The following ERCC4 variants were observed in gnomAD, a reference collection of about 807,000 sequenced individuals.
ERCC4 encodes the protein ERCC excision repair 4, endonuclease catalytic subunit, also known as DNA repair endonuclease XPF.
A neutral mutation model predicts 76.9 loss-of-function variants in ERCC4; 65 were observed. The observed-to-expected ratio is 0.84, with a 90% confidence interval of 0.69 to 1.04. ERCC4 has a LOEUF of 1.04. Among genes scored for constraint, ERCC4 ranks in the 50% least tolerant of loss-of-function variants. ERCC4 has a pLI of 0.00. For missense variants in ERCC4, 1,214 were observed against 1,128.2 expected (o/e 1.08, Z -1.09); for synonymous variants, 463 against 410.1 (o/e 1.13, Z -1.56).
chr16:13,925,702 C>T (rs3136083), intron 2 of ERCC4, among the ~76,000 whole-genome samples: 355 of 152,192 alleles, frequency 2.3e-3, no homozygotes, highest in African/African-American at 8.0e-3. Context: ...TATAAGGTAA[C>T]CAGCTTGATT....
chr16:13,941,547 T>C (rs2032413561), intron 9 of ERCC4, among the ~76,000 whole-genome samples: 1 of 152,216 alleles, frequency 6.6e-6, no homozygotes, highest in African/African-American at 2.4e-5. Flanking sequence ...CAGTTGTGGC[T>C]CTTTAACCAG....
rs1158171565 is a variant in ERCC4, at chr16:13,949,175, T to C, written c.*828T>C. The stretch of plus-strand genomic sequence containing the variant: ...ATTACCTGTTTGCAAAAGTTAATGA[T>C]GAAGGAGCTCTTAGAATTCTCAATT... On this transcript the variant is annotated 3_prime_UTR_variant, in exon 11 of 11. Coordinates refer to ENST00000311895, the MANE Select transcript of ERCC4 (RefSeq NM_005236.3). 1 of 233,140 alleles carries C rather than the reference T, an allele frequency of 4.3e-6. No individual in the cohort carries two copies. Among genetic ancestry groups the C allele is most frequent in the African/African-American group, 2.2e-5 (1 of 45,360 alleles). 14.4% of individuals were successfully genotyped at this position (233,140 alleles called of 1,614,324 possible).
intron 4 of ERCC4, among the ~76,000 whole-genome samples, chr16:13,929,085 G>A (rs3136097): frequency 2.3e-3 from 354 of 152,120 alleles, no homozygotes; most frequent in African/African-American, 8.0e-3. Flanking sequence ...TTAGTCCATG[G>A]TGATTTTTTT....
At position 13,942,937 on chromosome 16, in the gene ERCC4, G is replaced by C. The variant is rs1043845485; in HGVS notation, c.1905-1786G>C. Among the ~76,000 whole-genome samples the C allele has an allele frequency of 2.6e-5, 4 of 152,336 alleles. No homozygotes were observed. In the South Asian group the frequency reaches 8.3e-4, roughly 32 times the overall value. On this transcript the variant is annotated intron_variant, in intron 9 of 10. Coordinates refer to ENST00000311895, the MANE Select transcript of ERCC4 (RefSeq NM_005236.3). ...TAACCAGAGTGCAATAGAGAGAATG[G>C]AGTGGTAATGAGTGGCAGCCAGAGC... is the stretch of plus-strand genomic sequence containing the variant.
Position 13,947,956 on chromosome 16 carries a change from A to G in ERCC4, c.2360A>G (p.Lys787Arg), listed in dbSNP as rs755929592. 2.5e-6 allele frequency: 4 copies of G among 1,614,024 alleles called. No individual in the cohort carries two copies. The highest frequency in any genetic ancestry group is 3.3e-4 in the Middle Eastern group (2 of 6,060). The change falls in exon 11 of 11, where the codon AAA becomes AGA. Residue 787 changes from lysine to arginine, a missense_variant. Coordinates refer to ENST00000311895, the MANE Select transcript of ERCC4 (RefSeq NM_005236.3). ...ATCTCCAGCAATGACATTAGTTCCA[A>G]ACTCACTCTTCTTACACTTCACTTC... The part of the protein sequence containing the change: ...QEISSNDISS[K>R]LTLLTLHFPR...
chr16:13,942,381 T>A (rs2032427713), intron 9 of ERCC4, among the ~76,000 whole-genome samples: 1 of 152,278 alleles, frequency 6.6e-6, no homozygotes, highest in African/African-American at 2.4e-5. Context: ...ACTAGCTGTT[T>A]TCTGTAGCTA....
rs111787810 is a variant in ERCC4, at chr16:13,948,167, G to A, written c.2571G>A (p.Gly857=). 3 of 1,614,052 alleles carry A rather than the reference G, an allele frequency of 1.9e-6. No individual in the cohort carries two copies. Among genetic ancestry groups the A allele is most frequent in the Middle Eastern group, 1.6e-4 (1 of 6,062 alleles). ...AAGACTTCTTGTTAAAAATGCCAGG[G>A]GTGAATGCCAAAAACTGCCGCTCCT... ...GPQDFLLKMP[G]VNAKNCRSLM... Residue 857 remains glycine, a synonymous_variant, in exon 11 of 11, where the codon GGG becomes GGA. Coordinates refer to ENST00000311895, the MANE Select transcript of ERCC4 (RefSeq NM_005236.3).
chr16:13,930,489 T>C (rs2082065191), intron 4 of ERCC4, among the ~76,000 whole-genome samples: 2 of 152,198 alleles, frequency 1.3e-5, no homozygotes, highest in South Asian at 4.1e-4. Context: ...TATTTGAAAA[T>C]TTAAACATTA....
chr16:13,948,671 C>T lies in ERCC4; in HGVS notation c.*324C>T. 1 of 325,686 alleles carries T rather than the reference C, an allele frequency of 3.1e-6. No individual in the cohort carries two copies. Among genetic ancestry groups the T allele is most frequent in the Non-Finnish European group, 5.7e-6 (1 of 176,112 alleles). 20.2% of individuals were successfully genotyped at this position (325,686 alleles called of 1,614,324 possible). A position where few individuals can be genotyped will look rare whatever the true frequency, so the allele number is the denominator to read the frequency against. On this transcript the variant is annotated 3_prime_UTR_variant, in exon 11 of 11. Coordinates refer to ENST00000311895, the MANE Select transcript of ERCC4 (RefSeq NM_005236.3). ...AACTTTACCTGATCCTAACAGATCT[C>T]ATTTAGAAAGGAATATGCTAAGCCT...
Position 13,935,629 on chromosome 16 carries a change from T to C in ERCC4, c.1697T>C (p.Leu566Pro). The change falls in exon 8 of 11, where the codon CTG becomes CCG. Residue 566 changes from leucine (L) to proline (P), a missense_variant. Transcript: ENST00000311895. ...PLLGCSDPYA[L>P]TRVLHEVEPR... ...CTGGGTTGCAGCGACCCCTATGCTC[T>C]GACAAGGGTACTACATGAAGTGGAG... 2 of 1,614,076 alleles carry C rather than the reference T, an allele frequency of 1.2e-6. No individual in the cohort carries two copies. Among genetic ancestry groups the C allele is most frequent in the East Asian group, 2.2e-5 (1 of 44,886 alleles).
intron 10 of ERCC4, among the ~76,000 whole-genome samples, chr16:13,946,128 C>A (rs1217092409): frequency 6.6e-6 from 1 of 152,160 alleles, no homozygotes; most frequent in Admixed American, 6.5e-5. Context: ...TAGCCAGTAG[C>A]ATAGCATCCT....
Position 13,948,512 on chromosome 16 carries a change from T to A in ERCC4, c.*165T>A. On this transcript the variant is annotated 3_prime_UTR_variant, in exon 11 of 11. Transcript: ENST00000311895. ...AGGATTCCTCTCTGAACTCTGCAGT[T>A]AGGCATCACTTGAACTTGCCTGTGC... 1.3e-6 allele frequency: 1 copy of A among 792,054 alleles called. No individual in the cohort carries two copies. Among genetic ancestry groups the A allele is most frequent in the Non-Finnish European group, 2.0e-6 (1 of 490,396 alleles). 49.1% of individuals were successfully genotyped at this position (792,054 alleles called of 1,614,324 possible).
At chr16:13,932,511 A>G (rs1264389814) in intron 6 of ERCC4, 3 of 588,348 alleles carry the variant, frequency 5.1e-6, no homozygotes, top group Admixed American at 6.4e-5. Flanking sequence ...CTTGCAGTCT[A>G]TTGCCCAGGG....
chr16:13,940,831 A>C (rs1283591031), intron 9 of ERCC4, among the ~76,000 whole-genome samples: 1 of 152,218 alleles, frequency 6.6e-6, no homozygotes, highest in South Asian at 2.1e-4. Flanking sequence ...AGTGTTGAGG[A>C]GAGAAGCCTT....
chr16:13,925,190 G>T (rs1037262054), intron 2 of ERCC4, among the ~76,000 whole-genome samples: 18 of 152,336 alleles, frequency 1.2e-4, no homozygotes, highest in African/African-American at 4.3e-4. Context: ...TACCTGGGAT[G>T]TAGTATCAGT....
At position 13,948,463 on chromosome 16, in the gene ERCC4, T is replaced by C; in HGVS notation, c.*116T>C. 7.8e-7 allele frequency: 1 copy of C among 1,274,614 alleles called. No individual in the cohort carries two copies. Among genetic ancestry groups the C allele is most frequent in the East Asian group, 2.3e-5 (1 of 43,216 alleles). The allele number at this position is 1,274,614 out of a possible 1,614,324, so 79.0% of individuals were successfully genotyped here. ...TTTCATTCTTTTCCAATGCTCTTAATGATTGTACGGTGGACCAGAAGCCAG... is the reference window on the plus strand; with the variant it reads ...TTTCATTCTTTTCCAATGCTCTTAACGATTGTACGGTGGACCAGAAGCCAG... On this transcript the variant is annotated 3_prime_UTR_variant, in exon 11 of 11. Coordinates refer to ENST00000311895, the MANE Select transcript of ERCC4 (RefSeq NM_005236.3).
chr16:13,927,884 T>G, intron 3 of ERCC4, 144 bp from the exon 4 acceptor site: 1 of 667,022 alleles, frequency 1.5e-6, no homozygotes, highest in Non-Finnish European at 2.7e-6. Flanking sequence ...TTTTTGAAAA[T>G]GTTGTTGCTT....
At chr16:13,938,087 T>G (rs2032341142) in intron 9 of ERCC4, among the ~76,000 whole-genome samples, 1 of 152,162 alleles carries the variant, frequency 6.6e-6, no homozygotes, top group East Asian at 1.9e-4. Context: ...AGTGGTTTGT[T>G]TAATAGAATA....
Position 13,935,138 on chromosome 16 carries a change from A to G in ERCC4, c.1214-8A>G, listed in dbSNP as rs572244227. ...TAATAGTAACATAATGTTGTTTTCT[A>G]TTTTCAGGTCAAGTACTGATTTGTG... On this transcript the variant is annotated splice_polypyrimidine_tract_variant and splice_region_variant and intron_variant, in intron 7 of 10. Coordinates refer to ENST00000311895, the MANE Select transcript of ERCC4 (RefSeq NM_005236.3). The G allele has an allele frequency of 1.6e-5, 25 of 1,602,444 alleles. No individual in the cohort carries two copies. The highest frequency in any genetic ancestry group is 1.7e-4 in the Middle Eastern group (1 of 6,052).
Sources: allele counts gnomAD v4.1 joint callset (sites outside exome capture counted in the v4.1 genomes callset), GRCh38; gene constraint gnomAD v4.1.1; transcripts MANE v1.5; gene names NCBI Gene and HGNC (gene_info 2026-07-23, HGNC 2026-07-21).